The following CSMD1 variants were observed in gnomAD, a reference collection of about 807,000 sequenced individuals.
The protein encoded by CSMD1 is CUB and sushi domain-containing protein 1.
In CSMD1, 213 loss-of-function variants were observed where a neutral mutation model predicts 417.5. The observed-to-expected ratio is 0.51, with a 90% CI of 0.46 to 0.57. The LOEUF is 0.57. Among genes scored for constraint, CSMD1 ranks in the 20% least tolerant of loss-of-function variants. CSMD1 has a pLI of 0.00. For synonymous variants in CSMD1, 2,862 were observed against 1,736.8 expected (o/e 1.65, Z -16.11); for missense variants, 6,923 against 4,529.7 (o/e 1.53, Z -15.17).
At chr8:4,648,772 G>C (rs1373333314) in intron 1 of CSMD1, among the ~76,000 whole-genome samples, 2 of 152,178 alleles carry the variant, frequency 1.3e-5, no homozygotes, top group East Asian at 3.8e-4. Flanking sequence ...CATTATGTTG[G>C]AGTTGAGACA....
At chr8:4,393,774 G>A (rs766730513) in intron 3 of CSMD1, among the ~76,000 whole-genome samples, 1 of 152,134 alleles carries the variant, frequency 6.6e-6, no homozygotes. Context: ...AACAGAAAAA[G>A]CTGCAATCCT....
chr8:3,174,609 A>T (rs752169558), intron 37 of CSMD1, among the ~76,000 whole-genome samples: 1 of 152,230 alleles, frequency 6.6e-6, no homozygotes, highest in Non-Finnish European at 1.5e-5. Flanking sequence ...TAGAACTAAG[A>T]GCTTATCTCT....
intron 2 of CSMD1, among the ~76,000 whole-genome samples, chr8:4,431,641 C>A (rs1797878084): frequency 1.3e-5 from 2 of 152,048 alleles, no homozygotes; most frequent in African/African-American, 4.8e-5. Flanking sequence ...AAACAAAAAA[C>A]AGAGGCTAAC....
intron 5 of CSMD1, among the ~76,000 whole-genome samples, chr8:3,887,746 A>T (rs933739107): frequency 6.6e-6 from 1 of 152,234 alleles, no homozygotes; most frequent in Non-Finnish European, 1.5e-5. Flanking sequence ...AAAAACTCAG[A>T]TTACTGTAAT....
chr8:3,628,842 T>C (rs1041098568), intron 7 of CSMD1, among the ~76,000 whole-genome samples: 18 of 151,606 alleles, frequency 1.2e-4, no homozygotes, highest in African/African-American at 3.6e-4. Flanking sequence ...CTTTCTTAAG[T>C]GGTTCTAGTA....
chr8:3,963,294 G>T (rs971955781), intron 5 of CSMD1, among the ~76,000 whole-genome samples: 3 of 152,076 alleles, frequency 2.0e-5, no homozygotes, highest in African/African-American at 7.2e-5. Context: ...AAAAACAAAG[G>T]TTCCAAATCC....
chr8:3,525,115 C>T (rs746469996), intron 10 of CSMD1, among the ~76,000 whole-genome samples: 1 of 151,990 alleles, frequency 6.6e-6, no homozygotes, highest in African/African-American at 2.4e-5. Context: ...AAGTTACACA[C>T]ATAGAAGGCT....
chr8:4,448,498 G>C (rs188687899), intron 2 of CSMD1, among the ~76,000 whole-genome samples: 1 of 152,172 alleles, frequency 6.6e-6, no homozygotes, highest in Non-Finnish European at 1.5e-5. Flanking sequence ...AGGAAGCTCA[G>C]TCATTTTAAG....
intron 1 of CSMD1, among the ~76,000 whole-genome samples, chr8:4,772,375 G>C (rs191598660): frequency 9.3e-4 from 141 of 152,236 alleles, no homozygotes; most frequent in African/African-American, 3.3e-3. Context: ...CTCGGCCTTT[G>C]AGGACTTGAG....
At chr8:3,757,438 T>C (rs1301288096) in intron 5 of CSMD1, among the ~76,000 whole-genome samples, 1 of 152,196 alleles carries the variant, frequency 6.6e-6, no homozygotes, top group Non-Finnish European at 1.5e-5. Flanking sequence ...TTTTTTTGTG[T>C]CACAAAATAG....
At chr8:3,638,751 C>T (rs1797166377) in intron 7 of CSMD1, among the ~76,000 whole-genome samples, 1 of 152,094 alleles carries the variant, frequency 6.6e-6, no homozygotes. Flanking sequence ...TCAAAGGACC[C>T]ACAGACCAAA....
intron 3 of CSMD1, among the ~76,000 whole-genome samples, chr8:4,206,266 A>G (rs1169362621): frequency 1.3e-5 from 2 of 152,082 alleles, no homozygotes; most frequent in Admixed American, 6.6e-5. Flanking sequence ...ACATATGTAT[A>G]CATGTGCCAT....
In CSMD1 at chr8:3,158,889, G is replaced by A. The variant is rs185741468; in HGVS notation, c.5845-923C>T. 5.4e-4 allele frequency among the ~76,000 whole-genome samples: 82 copies of A among 152,180 alleles called. No individual in the cohort carries two copies. The East Asian group carries it at 6.8e-3, about 13-fold the overall frequency. On this transcript the variant is annotated intron_variant, in intron 38 of 69. Coordinates refer to ENST00000635120, the MANE Select transcript of CSMD1 (RefSeq NM_033225.6). The stretch of plus-strand genomic sequence containing the variant: ...TGTTAAATAATTCCAGCCACACTGG[G>A]AACGCATCAAACAAGCGTTTGCACT...
intron 42 of CSMD1, among the ~76,000 whole-genome samples, chr8:3,112,683 G>A (rs1816591089): frequency 1.3e-5 from 2 of 152,164 alleles, no homozygotes; most frequent in South Asian, 4.1e-4. Flanking sequence ...CCCTGTTGCT[G>A]CCTTTGTAAA....
At chr8:3,323,281 C>G (rs1563271938) in intron 23 of CSMD1, among the ~76,000 whole-genome samples, 1 of 151,996 alleles carries the variant, frequency 6.6e-6, no homozygotes, top group African/African-American at 2.4e-5. Flanking sequence ...TAAAATCTTA[C>G]CTCTCTCTAT....
intron 23 of CSMD1, among the ~76,000 whole-genome samples, chr8:3,308,734 T>TTG (rs1205217569): frequency 3.0e-5 from 1 of 33,136 alleles, no homozygotes; most frequent in African/African-American, 2.0e-4. Flanking sequence ...ACTTACAAGT[T>TTG]TTTTTTTTTT....
At chr8:4,557,737 C>G (rs1194561039) in intron 2 of CSMD1, among the ~76,000 whole-genome samples, 1 of 151,746 alleles carries the variant, frequency 6.6e-6, no homozygotes, top group Non-Finnish European at 1.5e-5. Flanking sequence ...AGCAAAGGGT[C>G]AATTTCAAAG....
intron 3 of CSMD1, among the ~76,000 whole-genome samples, chr8:4,346,646 C>G (rs1165206737): frequency 6.6e-6 from 1 of 152,158 alleles, no homozygotes; most frequent in African/African-American, 2.4e-5. Flanking sequence ...TAAGTGAAAT[C>G]TTCATTGCAA....
intron 2 of CSMD1, among the ~76,000 whole-genome samples, chr8:4,582,517 T>G (rs937825351): frequency 6.6e-6 from 1 of 152,126 alleles, no homozygotes; most frequent in Non-Finnish European, 1.5e-5. Flanking sequence ...AACTAAGTCC[T>G]GTAGTCTCAC....
Sources: allele counts gnomAD v4.1 joint callset (sites outside exome capture counted in the v4.1 genomes callset), GRCh38; gene constraint gnomAD v4.1.1; transcripts MANE v1.5; gene names NCBI Gene and HGNC (gene_info 2026-07-23, HGNC 2026-07-21).